The following SULF1 variants were observed in gnomAD, a reference collection of about 807,000 sequenced individuals.
SULF1 encodes sulfatase 1.
In SULF1, 46 loss-of-function variants were observed where a neutral mutation model predicts 110.5. That is an observed-to-expected ratio of 0.42 (90% confidence interval 0.33 to 0.53). SULF1 has a LOEUF of 0.53. SULF1 is among the 20% of genes least tolerant of loss of function. The probability of loss-of-function intolerance (pLI) is 0.12; values close to 1 mark genes in which losing one functional copy is unlikely to be tolerated. For synonymous variants in SULF1, 371 were observed against 387.1 expected, an observed-to-expected ratio of 0.96 and a Z score of 0.49; for missense variants, 941 against 1,094.2, an observed-to-expected ratio of 0.86 and a Z score of 1.98.
At chr8:69,547,667 G>A (rs1013305721) in intron 3 of SULF1, among the ~76,000 whole-genome samples, 4 of 152,130 alleles carry the variant, frequency 2.6e-5, no homozygotes, top group Admixed American at 2.0e-4. Flanking sequence ...AAAGTGTGCC[G>A]TCTGCTCTAG....
intron 5 of SULF1, among the ~76,000 whole-genome samples, chr8:69,574,986 G>A (rs1805501739): frequency 6.6e-6 from 1 of 152,120 alleles, no homozygotes; most frequent in African/African-American, 2.4e-5. Flanking sequence ...CTTCCTTGCT[G>A]GAAAACATAG....
chr8:69,624,272 G>C, intron 15 of SULF1, 75 bp downstream of exon 15: 1 of 1,507,208 alleles, frequency 6.6e-7, no homozygotes, highest in South Asian at 1.4e-5. Context: ...TCACCATTTT[G>C]CACTTGGCAA....
chr8:69,546,410 C>G (rs1465875734), intron 3 of SULF1, among the ~76,000 whole-genome samples: 2 of 152,156 alleles, frequency 1.3e-5, no homozygotes. Context: ...AGGTGAATTT[C>G]CAGGAATGCA....
chr8:69,498,230 G>A (rs1715916772), intron 2 of SULF1, among the ~76,000 whole-genome samples: 1 of 152,012 alleles, frequency 6.6e-6, no homozygotes, highest in South Asian at 2.1e-4. Context: ...AAAAGAAAGG[G>A]ATGCAATGAT....
rs145174051 is a variant in SULF1, at chr8:69,604,885, C to T, written c.1330C>T (p.Leu444=). 6.2e-7 allele frequency: 1 copy of T among 1,614,204 alleles called. No individual in the cohort carries two copies. Among genetic ancestry groups the T allele is most frequent in the Non-Finnish European group, 8.5e-7 (1 of 1,180,038 alleles). The change falls in exon 13 of 23, where the codon CTA becomes TTA. Residue 444 remains leucine (L), a synonymous_variant. Coordinates refer to ENST00000402687, the MANE Select transcript of SULF1 (RefSeq NM_001128205.2). ...HLPKYERVKE[L]CQQARYQTAC... ...GCCCAAATATGAACGGGTCAAAGAACTATGCCAGCAGGCCAGGTACCAGAC... is the reference window on the plus strand; with the variant it reads ...GCCCAAATATGAACGGGTCAAAGAATTATGCCAGCAGGCCAGGTACCAGAC...
At chr8:69,586,776 A>G (rs1411410262) in intron 7 of SULF1, among the ~76,000 whole-genome samples, 1 of 152,060 alleles carries the variant, frequency 6.6e-6, no homozygotes, top group African/African-American at 2.4e-5. Context: ...CTGCTCTCTT[A>G]TGATAATTTT....
intron 1 of SULF1, among the ~76,000 whole-genome samples, chr8:69,475,114 G>GA (rs1351297708): frequency 5.3e-5 from 8 of 151,856 alleles, no homozygotes; most frequent in South Asian, 2.1e-4. Context: ...GCAAAGAAGA[G>GA]AAAAAAAGGA....
intron 3 of SULF1, among the ~76,000 whole-genome samples, chr8:69,559,766 TTGTG>T (rs1393948338): frequency 6.6e-6 from 1 of 151,884 alleles, no homozygotes; most frequent in Non-Finnish European, 1.5e-5. Context: ...CCAAGGGACT[TTGTG>T]TGAACCTCTT....
intron 13 of SULF1, among the ~76,000 whole-genome samples, chr8:69,615,168 T>C (rs1808990997): frequency 6.6e-6 from 1 of 152,206 alleles, no homozygotes; most frequent in Non-Finnish European, 1.5e-5. Context: ...CAGGCTTTCA[T>C]CTGATTCCTG....
At chr8:69,652,220 A>G (rs1275303142) in intron 22 of SULF1, among the ~76,000 whole-genome samples, 1 of 151,918 alleles carries the variant, frequency 6.6e-6, no homozygotes, top group Non-Finnish European at 1.5e-5. Context: ...ATGCTCCAGG[A>G]TACTCCCCCA....
chr8:69,622,968 C>T (rs1387538808), intron 14 of SULF1, among the ~76,000 whole-genome samples: 1 of 152,094 alleles, frequency 6.6e-6, no homozygotes, highest in African/African-American at 2.4e-5. Flanking sequence ...GCCAGTATGC[C>T]CCACTTCTTT....
In SULF1 at chr8:69,586,354, C is replaced by T; in HGVS notation, c.413-3C>T. On this transcript the variant is annotated splice_region_variant and splice_polypyrimidine_tract_variant and intron_variant, in intron 6 of 22. Coordinates refer to ENST00000402687, the MANE Select transcript of SULF1 (RefSeq NM_001128205.2). Reference sequence around the variant, plus strand: ...AAAAAATAATTCTTTTTTCCCACTGCAGCCTTTTTTGGAAAATACCTCAAT... The same window carrying T: ...AAAAAATAATTCTTTTTTCCCACTGTAGCCTTTTTTGGAAAATACCTCAAT... 6.4e-7 allele frequency: 1 copy of T among 1,552,234 alleles called. No individual in the cohort carries two copies. The highest frequency in any genetic ancestry group is 2.1e-5 in the Admixed American group (1 of 46,676).
In SULF1 at chr8:69,632,495, TA is replaced by T. The variant is rs1459725241; in HGVS notation, c.2284+2817del. Among the ~76,000 whole-genome samples, 151 of 147,816 alleles carry T rather than the reference TA, an allele frequency of 1.0e-3. 1 individual carries two copies. Among genetic ancestry groups the T allele is most frequent in the African/African-American group, 3.8e-3 (143 of 37,344 alleles). On this transcript the variant is annotated intron_variant, in intron 19 of 22. Transcript: ENST00000402687. Reference sequence around the variant, plus strand: ...TTTCTATTACATATTTTAATAATATTATTGCTGTATTCCTCATATTTGCTAT... The same window carrying T: ...TTTCTATTACATATTTTAATAATATTTTGCTGTATTCCTCATATTTGCTAT...
intron 1 of SULF1, among the ~76,000 whole-genome samples, chr8:69,483,460 A>AT (rs1809585701): frequency 6.6e-6 from 1 of 152,164 alleles, no homozygotes; most frequent in Non-Finnish European, 1.5e-5. Flanking sequence ...ACAGCTACTA[A>AT]ACGGCAGAAT....
In SULF1 at chr8:69,660,785, T is replaced by C. The variant is rs998391791; in HGVS notation, c.*2250T>C. On this transcript the variant is annotated 3_prime_UTR_variant, in exon 23 of 23. Transcript: ENST00000402687. ...GAATAATGTGCTTTGTAAAAAGATT[T>C]CAAGTTATTAGGAAGCATACTCTGT... 2 of 152,666 alleles carry C rather than the reference T, an allele frequency of 1.3e-5. No homozygotes were observed. Among genetic ancestry groups the C allele is most frequent in the African/African-American group, 4.8e-5 (2 of 41,468 alleles). The allele number at this position is 152,666 out of a possible 1,614,324, so 9.5% of individuals were successfully genotyped here.
At chr8:69,626,647 C>T (rs1810068555) in intron 15 of SULF1, among the ~76,000 whole-genome samples, 1 of 152,226 alleles carries the variant, frequency 6.6e-6, no homozygotes, top group African/African-American at 2.4e-5. Context: ...CAGCTAAGGC[C>T]CGGTGAGAAA....
chr8:69,608,496 A>G (rs1284111675), intron 13 of SULF1, among the ~76,000 whole-genome samples: 1 of 152,146 alleles, frequency 6.6e-6, no homozygotes, highest in Non-Finnish European at 1.5e-5. Context: ...CCTGGCCGAC[A>G]TAGTCATAGT....
At chr8:69,617,404 TA>T (rs1809248763) in intron 13 of SULF1, among the ~76,000 whole-genome samples, 1 of 73,398 alleles carries the variant, frequency 1.4e-5, no homozygotes, top group Non-Finnish European at 2.6e-5. Context: ...TATATATATA[TA>T]TATATATATA....
At chr8:69,472,546 A>G (rs1164704895) in intron 1 of SULF1, among the ~76,000 whole-genome samples, 1 of 152,182 alleles carries the variant, frequency 6.6e-6, no homozygotes, top group Non-Finnish European at 1.5e-5. Flanking sequence ...CTTAGCAAAT[A>G]TGTCCTTAGA....
Sources: allele counts gnomAD v4.1 joint callset (sites outside exome capture counted in the v4.1 genomes callset), GRCh38; gene constraint gnomAD v4.1.1; transcripts MANE v1.5; gene names NCBI Gene and HGNC (gene_info 2026-07-23, HGNC 2026-07-21).